Variants in EXT1 observed in about 807,000 individuals in gnomAD.
EXT1 encodes the protein exostosin glycosyltransferase 1.
A neutral mutation model predicts 82.5 loss-of-function variants in EXT1; 20 were observed. The observed-to-expected ratio is 0.24, with a 90% CI of 0.17 to 0.35. The LOEUF is 0.35. EXT1 is among the 10% of genes least tolerant of loss of function. The pLI is 1.00. For synonymous variants in EXT1, 348 were observed against 350.8 expected, an observed-to-expected ratio of 0.99 and a Z score of 0.09; for missense variants, 757 against 936.5, an observed-to-expected ratio of 0.81 and a Z score of 2.50.
intron 1 of EXT1, among the ~76,000 whole-genome samples, chr8:117,854,586 T>C (rs1450103785): frequency 2.0e-5 from 3 of 152,234 alleles, no homozygotes; most frequent in Admixed American, 2.0e-4. Context: ...TTGCCAATAA[T>C]ATAAAACATG....
At chr8:117,843,341 T>C (rs994470138) in intron 1 of EXT1, among the ~76,000 whole-genome samples, 9 of 152,020 alleles carry the variant, frequency 5.9e-5, no homozygotes, top group African/African-American at 2.2e-4. Flanking sequence ...AGTGCTAGGA[T>C]TGGACATGAG....
intron 3 of EXT1, among the ~76,000 whole-genome samples, chr8:117,834,514 A>G (rs997181178): frequency 1.4e-4 from 22 of 152,188 alleles, no homozygotes; most frequent in Non-Finnish European, 2.4e-4. Flanking sequence ...CTGAGGCAGG[A>G]GAATCGCTTG....
intron 3 of EXT1, among the ~76,000 whole-genome samples, chr8:117,831,011 T>A (rs1208127293): frequency 3.9e-5 from 6 of 152,226 alleles, no homozygotes; most frequent in Non-Finnish European, 5.9e-5. Context: ...GAAGGACCTA[T>A]ATCTTGTTAT....
At chr8:117,956,736 T>A (rs908151070) in intron 1 of EXT1, among the ~76,000 whole-genome samples, 1 of 152,196 alleles carries the variant, frequency 6.6e-6, no homozygotes, top group Non-Finnish European at 1.5e-5. Flanking sequence ...CATGAGCCAC[T>A]GCATCCAGCC....
At chr8:117,878,622 G>A (rs1813009391) in intron 1 of EXT1, among the ~76,000 whole-genome samples, 1 of 152,210 alleles carries the variant, frequency 6.6e-6, no homozygotes, top group South Asian at 2.1e-4. Flanking sequence ...GGGCTGAAGT[G>A]AGGAGCATTA....
In EXT1 at chr8:117,885,462, T is replaced by C. The variant is rs1351907248; in HGVS notation, c.963-48261A>G. 7.2e-5 allele frequency among the ~76,000 whole-genome samples: 8 copies of C among 110,698 alleles called. 1 individual carries two copies. Among genetic ancestry groups the C allele is most frequent in the African/African-American group, 2.2e-4 (7 of 31,462 alleles). 72.6% of individuals were successfully genotyped at this position (110,698 alleles called of 152,430 possible). A position where few individuals can be genotyped will look rare whatever the true frequency, so the allele number is the denominator to read the frequency against. ...GAGGAGAAGGAAACCCTAAAATAGA[T>C]TTTTTTTTCCCTGAAAATGGAAAGT... is the stretch of plus-strand genomic sequence containing the variant. On this transcript the variant is annotated intron_variant, in intron 1 of 10. Transcript: ENST00000378204.
At chr8:117,872,824 G>GAAAA (rs1171262675) in intron 1 of EXT1, among the ~76,000 whole-genome samples, 2 of 87,422 alleles carry the variant, frequency 2.3e-5, no homozygotes, top group African/African-American at 4.0e-5. Flanking sequence ...CTGAAGCAGA[G>GAAAA]AAAAAAAAAA....
chr8:117,839,244 AC>A (rs1812233786), intron 1 of EXT1, among the ~76,000 whole-genome samples: 1 of 152,022 alleles, frequency 6.6e-6, no homozygotes, highest in Non-Finnish European at 1.5e-5. Flanking sequence ...GACTTAAAAA[AC>A]CCATGAATTT....
At chr8:117,907,117 C>T (rs1171931851) in intron 1 of EXT1, among the ~76,000 whole-genome samples, 2 of 152,234 alleles carry the variant, frequency 1.3e-5, no homozygotes, top group East Asian at 1.9e-4. Flanking sequence ...TCTTCCTTTT[C>T]TCCATCCCCC....
intron 1 of EXT1, among the ~76,000 whole-genome samples, chr8:117,973,502 T>G (rs554527506): frequency 3.6e-4 from 55 of 152,276 alleles, no homozygotes; most frequent in African/African-American, 1.2e-3. Flanking sequence ...ACAGGGCCTC[T>G]ACATCTTTTT....
chr8:117,858,704 G>A (rs1812610652), intron 1 of EXT1, among the ~76,000 whole-genome samples: 12 of 134,230 alleles, frequency 8.9e-5, no homozygotes, highest in Non-Finnish European at 1.9e-4. Flanking sequence ...AAGAAAGAAA[G>A]AAAAGAAAGA....
chr8:117,852,446 G>A (rs1247127774), intron 1 of EXT1, among the ~76,000 whole-genome samples: 1 of 152,108 alleles, frequency 6.6e-6, no homozygotes, highest in African/African-American at 2.4e-5. Context: ...CAGGTTTTGG[G>A]GACTTGATAG....
At chr8:117,867,212 T>C (rs547750839) in intron 1 of EXT1, among the ~76,000 whole-genome samples, 3 of 139,550 alleles carry the variant, frequency 2.1e-5, no homozygotes, top group Middle Eastern at 4.2e-3. Flanking sequence ...TGGGCCGAGA[T>C]TGCACCACTG....
intron 1 of EXT1, among the ~76,000 whole-genome samples, chr8:117,875,270 A>C (rs1201920969): frequency 6.6e-6 from 1 of 152,048 alleles, no homozygotes; most frequent in Non-Finnish European, 1.5e-5. Context: ...TATAAAAAAA[A>C]ATTAGCCAGG....
chr8:117,973,869 AG>A (rs879503742), intron 1 of EXT1, among the ~76,000 whole-genome samples: 7,510 of 132,036 alleles, frequency 0.057, 806 homozygotes, highest in Middle Eastern at 0.16. Context: ...AGGAAAGGAA[AG>A]GAAAGGAAAG....
intron 1 of EXT1, among the ~76,000 whole-genome samples, chr8:118,040,231 C>T (rs1816504714): frequency 6.6e-6 from 1 of 152,138 alleles, no homozygotes; most frequent in Non-Finnish European, 1.5e-5. Flanking sequence ...ATACTAACGC[C>T]TTTTGCAATT....
chr8:117,986,347 G>T (rs558445730), intron 1 of EXT1, among the ~76,000 whole-genome samples: 1 of 151,884 alleles, frequency 6.6e-6, no homozygotes. Context: ...GCACCACCAC[G>T]CCTGGCTAAG....
At chr8:117,994,019 C>T (rs1403940885) in intron 1 of EXT1, among the ~76,000 whole-genome samples, 1 of 152,176 alleles carries the variant, frequency 6.6e-6, no homozygotes, top group Non-Finnish European at 1.5e-5. Context: ...TAGCAAAGTT[C>T]TTACTCTTCT....
At position 117,968,572 on chromosome 8, in the gene EXT1, T is replaced by A. The variant is rs1219686380; in HGVS notation, c.963-131371A>T. Among the ~76,000 whole-genome samples the A allele has an allele frequency of 4.4e-3, 54 of 12,390 alleles. 3 individuals carry two copies. The highest frequency in any genetic ancestry group is 1.8e-3 in the Non-Finnish European group (14 of 7,892). The allele number at this position is 12,390 out of a possible 152,430, so 8.1% of individuals were successfully genotyped here. On this transcript the variant is annotated intron_variant, in intron 1 of 10. Transcript: ENST00000378204. ...TTATTTATTTTTTTTTTTTTTTTTTTTTTTTTTTTTTTTTTGAGACGGAGT... is the reference window on the plus strand; with the variant it reads ...TTATTTATTTTTTTTTTTTTTTTTTATTTTTTTTTTTTTTTGAGACGGAGT...
Sources: gnomAD v4.1 joint callset for allele counts (sites outside exome capture counted in the v4.1 genomes callset) on GRCh38, gnomAD v4.1.1 for gene constraint, MANE v1.5 for transcripts, NCBI Gene and HGNC (gene_info 2026-07-23, HGNC 2026-07-21) for gene names.